FAM149A: variants seen among roughly 807,000 people sequenced by gnomAD.
FAM149A encodes the protein protein FAM149A.
A neutral mutation model predicts 78.2 loss-of-function variants in FAM149A; 71 were observed. The observed-to-expected ratio is 0.91, with a 90% CI of 0.75 to 1.11. The LOEUF (loss-of-function observed/expected upper bound fraction) is 1.11, where lower values mean the gene tolerates loss of function less well. Among genes scored for constraint, FAM149A ranks in the 50% least tolerant of loss-of-function variants. FAM149A has a pLI of 0.00. For synonymous variants in FAM149A, 446 were observed against 410.5 expected (o/e 1.09, Z -1.04); for missense variants, 1,036 against 971.0 (o/e 1.07, Z -0.89).
intron 1 of FAM149A, chr4:186,126,202 C>A: frequency 3.5e-6 from 2 of 572,532 alleles, no homozygotes; most frequent in Non-Finnish European, 4.4e-6. Context: ...GCCTTGTTAC[C>A]AAAAAGGATA....
intron 1 of FAM149A, among the ~76,000 whole-genome samples, chr4:186,113,300 C>T (rs1343551578): frequency 8.0e-6 from 1 of 125,474 alleles, no homozygotes; most frequent in African/African-American, 3.1e-5. Context: ...TTTTATTAGT[C>T]TTGCTAGGGG....
At chr4:186,163,386 C>T (rs751258523) in intron 9 of FAM149A, 38 bp from the exon 10 acceptor site, 2 of 1,538,836 alleles carry the variant, frequency 1.3e-6, no homozygotes, top group Non-Finnish European at 1.8e-6. Flanking sequence ...GTTATCACAG[C>T]ACTCGCAGCT....
chr4:186,165,091 C>T (rs924789097), intron 10 of FAM149A, among the ~76,000 whole-genome samples: 1 of 152,186 alleles, frequency 6.6e-6, no homozygotes. Flanking sequence ...CTGACCCCCC[C>T]ACACACCAGC....
chr4:186,104,941 G>C lies in FAM149A; in HGVS notation c.-136G>C. ...CGCGGAGCTGAGCGTCCTCGGGGAGGAGAGGGAGCCAGGGGCCTCCGGGGC... is the reference window on the plus strand; with the variant it reads ...CGCGGAGCTGAGCGTCCTCGGGGAGCAGAGGGAGCCAGGGGCCTCCGGGGC... On this transcript the variant is annotated 5_prime_UTR_variant, in exon 1 of 14. Coordinates refer to ENST00000389354, the MANE Select transcript of FAM149A (RefSeq NM_001367768.3). 8.7e-7 allele frequency: 1 copy of C among 1,154,258 alleles called. No individual in the cohort carries two copies. The highest frequency in any genetic ancestry group is 1.1e-6 in the Non-Finnish European group (1 of 930,020). The allele number at this position is 1,154,258 out of a possible 1,614,324, so 71.5% of individuals were successfully genotyped here.
intron 1 of FAM149A, chr4:186,130,136 T>C (rs1047366636): frequency 1.3e-5 from 2 of 151,830 alleles, no homozygotes; most frequent in African/African-American, 4.8e-5. Context: ...GTAGCCAAGA[T>C]TGAATGGAAG....
intron 1 of FAM149A, among the ~76,000 whole-genome samples, chr4:186,140,066 G>A (rs917477588): frequency 6.6e-6 from 1 of 152,082 alleles, no homozygotes; most frequent in Admixed American, 6.5e-5. Flanking sequence ...TCCAAAATTT[G>A]TCTCTAATTC....
At chr4:186,154,807 G>C (rs1399288431) in intron 6 of FAM149A, 169 bp downstream of exon 6, 1 of 985,346 alleles carries the variant, frequency 1.0e-6, no homozygotes, top group Non-Finnish European at 1.2e-6. Flanking sequence ...CCTAGCCAGC[G>C]GTGCACGTGC....
chr4:186,106,876 G>T (rs55949648), intron 1 of FAM149A, among the ~76,000 whole-genome samples: 5,746 of 152,208 alleles, frequency 0.038, 173 homozygotes, highest in Non-Finnish European at 0.062. Flanking sequence ...CGTGAACCCG[G>T]GAGGCGGAGC....
intron 1 of FAM149A, chr4:186,127,215 C>T (rs1367336260): frequency 2.1e-6 from 2 of 964,078 alleles, no homozygotes; most frequent in South Asian, 4.8e-5. Flanking sequence ...TGAAATCAGC[C>T]AAGGAGGAAC....
intron 1 of FAM149A, chr4:186,109,828 T>C (rs2099310463): frequency 1.0e-6 from 1 of 985,322 alleles, no homozygotes; most frequent in East Asian, 1.1e-4. Flanking sequence ...GTTCAGTTAT[T>C]TGGGAGAACA....
rs748695506 is a variant in FAM149A, at chr4:186,153,801, A to G, written c.1058+31A>G. On this transcript the variant is annotated intron_variant, in intron 5 of 13. Coordinates refer to ENST00000389354, the MANE Select transcript of FAM149A (RefSeq NM_001367768.3). Reference sequence around the variant, plus strand: ...TTCAGATAAGTGACTCTCAAAAAGTATTGTTAGCTGTATTTTAGTTATACT... The same window carrying G: ...TTCAGATAAGTGACTCTCAAAAAGTGTTGTTAGCTGTATTTTAGTTATACT... 1.4e-5 allele frequency: 22 copies of G among 1,564,454 alleles called. No homozygotes were observed. In the East Asian group the frequency reaches 3.9e-4, roughly 27 times the overall value.
At chr4:186,163,828 A>G (rs1245200688) in intron 10 of FAM149A, among the ~76,000 whole-genome samples, 195 bp downstream of exon 10, 1 of 152,212 alleles carries the variant, frequency 6.6e-6, no homozygotes, top group Non-Finnish European at 1.5e-5. Flanking sequence ...ACACAAGGTC[A>G]GGCAATGTCC....
intron 8 of FAM149A, chr4:186,158,528 C>G: frequency 2.1e-6 from 2 of 966,822 alleles, no homozygotes; most frequent in Non-Finnish European, 2.4e-6. Flanking sequence ...GAGCAGCCTG[C>G]TGCTGATGCA....
Position 186,149,483 on chromosome 4 carries a change from A to G in FAM149A, c.678-110A>G, listed in dbSNP as rs1344690138. 6.6e-6 allele frequency: 8 copies of G among 1,221,310 alleles called. No individual in the cohort carries two copies. In the African/African-American group the frequency reaches 1.1e-4, roughly 17 times the overall value. The allele number at this position is 1,221,310 out of a possible 1,614,324, so 75.7% of individuals were successfully genotyped here. The stretch of plus-strand genomic sequence containing the variant: ...AATATATTTAATGAAAGAAAGAGGA[A>G]GCAGGCTCAGAAAAGTGAAGCCACT... On this transcript the variant is annotated intron_variant, in intron 2 of 13. Transcript: ENST00000389354.
chr4:186,166,432 C>T (rs763973721), intron 11 of FAM149A, among the ~76,000 whole-genome samples: 14 of 152,212 alleles, frequency 9.2e-5, no homozygotes, highest in South Asian at 2.1e-4. Flanking sequence ...GGGTGGATCA[C>T]GAGGGCAAGA....
rs1305715144 is a variant in FAM149A, at chr4:186,165,422, CA to C, written c.1969del (p.Arg657GlyfsTer25). ...GGTTCCCCCCGCTAGTCACGGAGAC[CA>C]GGGGGCAGAATACAGCAGTTCCTGG... is the stretch of plus-strand genomic sequence containing the variant. On this transcript the variant is annotated frameshift_variant, in exon 11 of 14. Coordinates refer to ENST00000389354, the MANE Select transcript of FAM149A (RefSeq NM_001367768.3). LOFTEE classifies it high-confidence loss of function. 3.1e-6 allele frequency: 5 copies of C among 1,614,074 alleles called. No individual in the cohort carries two copies. Among genetic ancestry groups the C allele is most frequent in the African/African-American group, 1.3e-5 (1 of 75,040 alleles).
chr4:186,129,135 CTG>C (rs1233164400), intron 1 of FAM149A, among the ~76,000 whole-genome samples: 4 of 137,378 alleles, frequency 2.9e-5, no homozygotes, highest in African/African-American at 1.1e-4. Flanking sequence ...GTATGTGCCT[CTG>C]TGTGTCTGTG....
chr4:186,120,374 C>G (rs2099315453), intron 1 of FAM149A, among the ~76,000 whole-genome samples: 1 of 152,006 alleles, frequency 6.6e-6, no homozygotes, highest in Non-Finnish European at 1.5e-5. Flanking sequence ...ATAGGTATAA[C>G]CAGGTATTTT....
Position 186,162,910 on chromosome 4 carries a change from G to T in FAM149A, c.1641G>T (p.Pro547=), listed in dbSNP as rs757955183. The stretch of plus-strand genomic sequence containing the variant: ...GTGTCATGACAATTCAAGCAAAACC[G>T]CTTCAGCGGAGACCTGCCTATTTTG... The change falls in exon 9 of 14, where the codon CCG becomes CCT. Residue 547 remains proline, a synonymous_variant. Transcript: ENST00000389354. 1 of 1,596,782 alleles carries T rather than the reference G, an allele frequency of 6.3e-7. No homozygotes were observed. Among genetic ancestry groups the T allele is most frequent in the Non-Finnish European group, 8.5e-7 (1 of 1,173,664 alleles).
Sources: gnomAD v4.1 joint callset for allele counts (sites outside exome capture counted in the v4.1 genomes callset) on GRCh38, gnomAD v4.1.1 for gene constraint, MANE v1.5 for transcripts, NCBI Gene and HGNC (gene_info 2026-07-23, HGNC 2026-07-21) for gene names.